Variants in MYO16 observed in about 807,000 individuals in gnomAD.
MYO16 encodes the protein myosin XVI.
MYO16 carries 94 observed loss-of-function variants against 205.3 expected under a neutral mutation model. The observed-to-expected ratio is 0.46, with a 90% CI of 0.39 to 0.54. The LOEUF is 0.54. Ranked by LOEUF, MYO16 falls within the 20% of genes least tolerant of loss-of-function variation. MYO16 has a pLI of 0.00. For missense variants in MYO16, 2,315 were observed against 2,387.5 expected, an observed-to-expected ratio of 0.97 and a Z score of 0.63; for synonymous variants, 988 against 954.0, an observed-to-expected ratio of 1.04 and a Z score of -0.66.
chr13:109,155,435 C>G (rs1289316430), intron 32 of MYO16, among the ~76,000 whole-genome samples: 1 of 152,198 alleles, frequency 6.6e-6, no homozygotes, highest in African/African-American at 2.4e-5. Context: ...GGGAGCCCAG[C>G]CCGAGACATT....
the MYO16 span, among the ~76,000 whole-genome samples, chr13:108,520,414 T>C: frequency 2.0e-5 from 3 of 152,190 alleles, no homozygotes; most frequent in Non-Finnish European, 4.4e-5. Flanking sequence ...ATTAAAGATA[T>C]AATCAGACCA....
chr13:109,017,186 C>A (rs1885856826), intron 22 of MYO16, among the ~76,000 whole-genome samples: 1 of 152,250 alleles, frequency 6.6e-6, no homozygotes, highest in Non-Finnish European at 1.5e-5. Context: ...TCAGCATTTG[C>A]TTGTCTATAA....
intron 16 of MYO16, among the ~76,000 whole-genome samples, chr13:108,951,693 T>A (rs1883154741): frequency 6.6e-6 from 1 of 152,132 alleles, no homozygotes; most frequent in Non-Finnish European, 1.5e-5. Flanking sequence ...AGTATATAAA[T>A]TAATAAACAA....
intron 31 of MYO16, among the ~76,000 whole-genome samples, chr13:109,138,312 ACCAACTTAGTAAAATAATTG>A (rs1200011677): frequency 1.3e-5 from 2 of 152,244 alleles, no homozygotes; most frequent in Non-Finnish European, 2.9e-5. Flanking sequence ...TACAGAAAAT[ACCAACTTAGTAAAATAATTG>A]AAGATTTGGG....
intron 27 of MYO16, among the ~76,000 whole-genome samples, chr13:109,096,827 C>G (rs1888793003): frequency 6.6e-6 from 1 of 152,210 alleles, no homozygotes; most frequent in South Asian, 2.1e-4. Context: ...GAAACGCAAA[C>G]AGGCAGCTCT....
chr13:108,983,292 A>C (rs1477330771), intron 20 of MYO16, among the ~76,000 whole-genome samples: 1 of 152,138 alleles, frequency 6.6e-6, no homozygotes, highest in African/African-American at 2.4e-5. Context: ...TCTCCATCTG[A>C]ATCTCACGTG....
At chr13:109,083,436 C>T (rs1888343219) in intron 27 of MYO16, among the ~76,000 whole-genome samples, 2 of 116,100 alleles carry the variant, frequency 1.7e-5, no homozygotes, top group Admixed American at 9.7e-5. Flanking sequence ...GCAGTAGAGA[C>T]GATCAAAAAG....
chr13:108,887,118 C>A (rs1178941989), intron 13 of MYO16, among the ~76,000 whole-genome samples: 3 of 152,076 alleles, frequency 2.0e-5, no homozygotes, highest in Non-Finnish European at 4.4e-5. Context: ...GCAATCAAAA[C>A]GCAAGTAGTC....
intron 1 of MYO16, among the ~76,000 whole-genome samples, chr13:108,608,967 A>G (rs1031089538): frequency 1.3e-5 from 2 of 152,204 alleles, no homozygotes; most frequent in Non-Finnish European, 2.9e-5. Context: ...AATCCTTGTA[A>G]CCAAAATCAA....
chr13:109,099,380 CATTT>C (rs1465419541), intron 27 of MYO16, among the ~76,000 whole-genome samples: 1 of 152,180 alleles, frequency 6.6e-6, no homozygotes, highest in African/African-American at 2.4e-5. Flanking sequence ...AGCATAACCA[CATTT>C]ATTTAAGAAT....
At chr13:108,661,349 T>C (rs1881493955) in intron 1 of MYO16, among the ~76,000 whole-genome samples, 1 of 152,112 alleles carries the variant, frequency 6.6e-6, no homozygotes, top group Admixed American at 6.5e-5. Flanking sequence ...CTGGGGAAAT[T>C]TTCATCAATT....
upstream of MYO16, among the ~76,000 whole-genome samples, chr13:108,626,274 T>C (rs1292674655): frequency 6.6e-6 from 1 of 152,218 alleles, no homozygotes; most frequent in Non-Finnish European, 1.5e-5. Flanking sequence ...TGAAATATTA[T>C]GCATTCGTAT....
At chr13:108,836,827 G>A (rs1257219691) in intron 9 of MYO16, among the ~76,000 whole-genome samples, 1 of 152,176 alleles carries the variant, frequency 6.6e-6, no homozygotes, top group East Asian at 1.9e-4. Flanking sequence ...CCCAATGCCT[G>A]TACCCCTAGT....
chr13:109,046,803 A>C, intron 23 of MYO16, 113 bp from the exon 24 acceptor site: 1 of 840,608 alleles, frequency 1.2e-6, no homozygotes, highest in African/African-American at 1.7e-5. Flanking sequence ...ACCTGAAGAC[A>C]CTTCTTTTAT....
intron 5 of MYO16, among the ~76,000 whole-genome samples, chr13:108,790,619 T>A (rs1886588857): frequency 1.3e-5 from 2 of 152,302 alleles, no homozygotes; most frequent in African/African-American, 4.8e-5. Flanking sequence ...GAAATTTGTT[T>A]GACAACGAAG....
intron 28 of MYO16, among the ~76,000 whole-genome samples, chr13:109,106,830 G>A (rs918999015): frequency 2.0e-5 from 3 of 152,138 alleles, no homozygotes; most frequent in Non-Finnish European, 4.4e-5. Context: ...CGAGAACTTC[G>A]GGGTGAAAGA....
At chr13:108,793,127 CA>C (rs970350212) in intron 5 of MYO16, among the ~76,000 whole-genome samples, 27 of 150,396 alleles carry the variant, frequency 1.8e-4, no homozygotes, top group African/African-American at 6.3e-4. Context: ...ACTAAAAATA[CA>C]AAAAAAAATT....
intron 1 of MYO16, among the ~76,000 whole-genome samples, chr13:108,612,073 A>G (rs1192838068): frequency 1.4e-5 from 2 of 145,528 alleles, no homozygotes; most frequent in Admixed American, 1.4e-4. Context: ...TTCTTCACAT[A>G]TATATGCATG....
intron 31 of MYO16, among the ~76,000 whole-genome samples, chr13:109,138,010 G>A (rs1876860762): frequency 6.6e-6 from 1 of 152,204 alleles, no homozygotes; most frequent in Admixed American, 6.5e-5. Flanking sequence ...GTTCCCACTA[G>A]GGTAGAGGAG....
Sources: gnomAD v4.1 joint callset for allele counts (sites outside exome capture counted in the v4.1 genomes callset) on GRCh38, gnomAD v4.1.1 for gene constraint, MANE v1.5 for transcripts, NCBI Gene and HGNC (gene_info 2026-07-23, HGNC 2026-07-21) for gene names.